SGK1: variants seen among roughly 807,000 people sequenced by gnomAD.
SGK1 encodes serum/glucocorticoid regulated kinase 1, also known as serine/threonine-protein kinase Sgk1.
In SGK1, 26 loss-of-function variants were observed where a neutral mutation model predicts 64.2. The ratio of observed to expected loss-of-function variants is 0.40; its 90% CI spans 0.30 to 0.56. SGK1 has a LOEUF of 0.56. Among genes scored for constraint, SGK1 ranks in the 20% least tolerant of loss-of-function variants. The pLI, the probability that SGK1 is intolerant of heterozygous loss-of-function variation, is 0.38. For missense variants in SGK1, 519 were observed against 645.6 expected (o/e 0.80, Z 2.12); for synonymous variants, 265 against 239.7 (o/e 1.11, Z -0.98).
intron 1 of SGK1, chr6:134,297,373 C>A (rs1437949367): frequency 1.2e-6 from 1 of 856,298 alleles, no homozygotes; most frequent in South Asian, 1.3e-5. Context: ...GACAGCTTGG[C>A]GTTGGCATCC....
chr6:134,171,637 C>T lies in SGK1; in HGVS notation c.1167G>A (p.Leu389=). 6.2e-7 allele frequency: 1 copy of T among 1,608,380 alleles called. No homozygotes were observed. Among genetic ancestry groups the T allele is most frequent in the Non-Finnish European group, 8.5e-7 (1 of 1,174,814 alleles). ...CCATGGTTCCCAATGTGCCACTCAC[C>T]AGGCCATACAGCATCTCATACAAGA... The part of the protein sequence containing the change: ...GAVLYEMLYG[L]PPFYSRNTAE... The change falls in exon 11 of 14, where the codon CTG becomes CTA. Residue 389 remains leucine, a splice_region_variant and synonymous_variant. Transcript: ENST00000367858.
intron 2 of SGK1, among the ~76,000 whole-genome samples, chr6:134,221,567 C>A (rs897881497): frequency 6.6e-6 from 1 of 152,092 alleles, no homozygotes; most frequent in African/African-American, 2.4e-5. Context: ...ATGACACTTA[C>A]CTCCTAATAA....
intron 2 of SGK1, among the ~76,000 whole-genome samples, chr6:134,223,964 G>A (rs79485553): frequency 0.013 from 1,916 of 152,282 alleles, 42 homozygotes; most frequent in African/African-American, 0.044. Flanking sequence ...GCCATCCCAA[G>A]AGTCCAGAAT....
chr6:134,261,988 C>T lies in SGK1; in HGVS notation c.230G>A (p.Gly77Glu), dbSNP rs1367065839. ...TGACTCGTTCTCCTGAGGGAGAACCCCTCTTTGGAAAGCATGTTCACCCAG... is the reference window on the plus strand; with the variant it reads ...TGACTCGTTCTCCTGAGGGAGAACCTCTCTTTGGAAAGCATGTTCACCCAG... ...TCLGEHAFQR[G>E]VLPQENESCS... The change falls in exon 2 of 14, where the codon GGG (glycine) becomes GAG (glutamate). Residue 77 changes from glycine to glutamate, a missense_variant. Gly to Glu is a moderately conservative substitution (Grantham distance 98). Coordinates refer to ENST00000367858, the MANE Select transcript of SGK1 (RefSeq NM_001143676.3). 6.2e-7 allele frequency: 1 copy of T among 1,613,674 alleles called. No homozygotes were observed. The highest frequency in any genetic ancestry group is 1.3e-5 in the African/African-American group (1 of 74,872).
At chr6:134,297,302 G>A (rs1487537474) in intron 1 of SGK1, 12 of 1,253,256 alleles carry the variant, frequency 9.6e-6, no homozygotes, top group South Asian at 1.2e-5. Flanking sequence ...TCAGCTCCTG[G>A]TACACACGCA....
At chr6:134,172,963 A>G in intron 8 of SGK1, 60 bp downstream of exon 8, 4 of 1,557,280 alleles carry the variant, frequency 2.6e-6, no homozygotes, top group Non-Finnish European at 3.5e-6. Context: ...TTTTTCTCAA[A>G]CTAAAACAAA....
chr6:134,173,902 T>G (rs1285774367), intron 5 of SGK1, 103 bp downstream of exon 5: 1 of 773,530 alleles, frequency 1.3e-6, no homozygotes, highest in African/African-American at 1.8e-5. Flanking sequence ...CATTCCTGCC[T>G]TGATACTAAT....
At chr6:134,291,567 T>C (rs1011697631) in intron 1 of SGK1, among the ~76,000 whole-genome samples, 2 of 152,202 alleles carry the variant, frequency 1.3e-5, no homozygotes, top group African/African-American at 4.8e-5. Flanking sequence ...TTTTCTATTG[T>C]TCTGTCTCCC....
intron 1 of SGK1, among the ~76,000 whole-genome samples, chr6:134,294,098 C>T (rs1777305220): frequency 6.6e-6 from 1 of 152,150 alleles, no homozygotes; most frequent in Admixed American, 6.6e-5. Context: ...AAAACAACAG[C>T]AAAGAACCCT....
At chr6:134,191,293 A>G (rs1268231582) in intron 3 of SGK1, among the ~76,000 whole-genome samples, 1 of 152,182 alleles carries the variant, frequency 6.6e-6, no homozygotes, top group Non-Finnish European at 1.5e-5. Flanking sequence ...GGGCAAAAAA[A>G]TCTTAAGAAA....
At chr6:134,281,197 C>A (rs79028882) in intron 1 of SGK1, among the ~76,000 whole-genome samples, 1 of 152,112 alleles carries the variant, frequency 6.6e-6, no homozygotes, top group Non-Finnish European at 1.5e-5. Context: ...TCCACCTACC[C>A]GTTCATAGCT....
At chr6:134,171,222 A>C (rs1020875822) in intron 11 of SGK1, 44 bp from the exon 12 acceptor site, 1 of 1,572,180 alleles carries the variant, frequency 6.4e-7, no homozygotes, top group Non-Finnish European at 8.8e-7. Flanking sequence ...TGGAAGTTTC[A>C]TATGGCACAC....
At chr6:134,184,110 G>A (rs928775345) in intron 3 of SGK1, among the ~76,000 whole-genome samples, 12 of 152,046 alleles carry the variant, frequency 7.9e-5, no homozygotes, top group African/African-American at 2.2e-4. Flanking sequence ...GTGTCTGCCC[G>A]AGGGACTTTG....
intron 3 of SGK1, among the ~76,000 whole-genome samples, chr6:134,206,351 ATATATATATATATATAT>A (rs1775770926): frequency 1.1e-4 from 1 of 8,942 alleles, no homozygotes; most frequent in African/African-American, 2.9e-4. Flanking sequence ...ATATATATAT[ATATATATATATATATAT>A]ATATATATAT....
intron 3 of SGK1, among the ~76,000 whole-genome samples, chr6:134,176,153 C>T (rs989583739): frequency 3.9e-5 from 6 of 152,128 alleles, no homozygotes; most frequent in Admixed American, 3.9e-4. Context: ...TGGCGTGAAC[C>T]GGGCATCCTC....
At chr6:134,214,006 A>G (rs1431390518) in intron 2 of SGK1, among the ~76,000 whole-genome samples, 1 of 152,146 alleles carries the variant, frequency 6.6e-6, no homozygotes, top group African/African-American at 2.4e-5. Context: ...TCTTATTTTT[A>G]CCTATCTTGC....
At position 134,171,123 on chromosome 6, in the gene SGK1, G is replaced by A; in HGVS notation, c.1223C>T (p.Pro408Leu). The change falls in exon 12 of 14, where the codon CCT (proline) becomes CTT (leucine). Residue 408 changes from proline to leucine, a missense_variant. Physicochemically the swap from Pro to Leu is moderately conservative, Grantham distance 98. Coordinates refer to ENST00000367858, the MANE Select transcript of SGK1 (RefSeq NM_001143676.3). ...TGTAATATTTGGTTTCAGCTGGAGA[G>A]GCTTGTTCAGAATGTTGTCGTACAT... ...AEMYDNILNK[P>L]LQLKPNITNS... is the part of the protein sequence containing the mutation. The A allele has an allele frequency of 6.2e-7, 1 of 1,614,148 alleles. No individual in the cohort carries two copies. The highest frequency in any genetic ancestry group is 8.5e-7 in the Non-Finnish European group (1 of 1,180,034).
chr6:134,259,875 A>G (rs1776738477), intron 2 of SGK1: 1 of 152,226 alleles, frequency 6.6e-6, no homozygotes, highest in Non-Finnish European at 1.5e-5. Flanking sequence ...CACCATGACA[A>G]ATGTTCATGG....
intron 1 of SGK1, among the ~76,000 whole-genome samples, chr6:134,304,932 T>C (rs184617122): frequency 6.6e-6 from 1 of 152,328 alleles, no homozygotes; most frequent in Non-Finnish European, 1.5e-5. Context: ...TAAGAGATTA[T>C]ATCATGCTAA....
Sources: allele counts gnomAD v4.1 joint callset (sites outside exome capture counted in the v4.1 genomes callset), GRCh38; gene constraint gnomAD v4.1.1; transcripts MANE v1.5; gene names NCBI Gene and HGNC (gene_info 2026-07-23, HGNC 2026-07-21).